MUS81: variants seen among roughly 807,000 people sequenced by gnomAD.
The protein encoded by MUS81 is structure-specific endonuclease subunit MUS81.
A neutral mutation model predicts 74.2 loss-of-function variants in MUS81; 69 were observed. The ratio of observed to expected loss-of-function variants is 0.93; its 90% CI spans 0.77 to 1.14. MUS81 has a LOEUF of 1.14. MUS81 is among the 50% of genes most tolerant of loss of function. The pLI is 0.00. For missense variants in MUS81, 711 were observed against 726.5 expected (o/e 0.98, Z 0.25); for synonymous variants, 303 against 300.6 (o/e 1.01, Z -0.08).
chr11:65,861,266 G>C (rs1056340596), intron 2 of MUS81, 84 bp from the exon 3 acceptor site: 1 of 1,535,908 alleles, frequency 6.5e-7, no homozygotes, highest in Admixed American at 1.9e-5. Context: ...CCGGTCTCAC[G>C]TAACCATCTG....
chr11:65,864,416 A>G (rs2134735926), intron 10 of MUS81, 81 bp from the exon 11 acceptor site: 5 of 1,306,364 alleles, frequency 3.8e-6, no homozygotes, highest in Non-Finnish European at 5.5e-6. Flanking sequence ...TCCCGGCACC[A>G]TTTTGAGTGT....
At chr11:65,863,322 T>C (rs1240900419) in intron 7 of MUS81, 88 bp from the exon 8 acceptor site, 1 of 1,586,974 alleles carries the variant, frequency 6.3e-7, no homozygotes, top group African/African-American at 1.3e-5. Context: ...CTACTGTGGG[T>C]GGGTGGTGGG....
intron 1 of MUS81, 24 bp from the exon 2 acceptor site, chr11:65,860,949 G>T: frequency 1.2e-6 from 2 of 1,610,576 alleles, no homozygotes; most frequent in Non-Finnish European, 1.7e-6. Flanking sequence ...GCCCTGACCA[G>T]GTACCCTACC....
chr11:65,860,297 G>A, upstream of MUS81: 1 of 459,418 alleles, frequency 2.2e-6, no homozygotes, highest in Non-Finnish European at 4.4e-6. Flanking sequence ...GGCTGAAGCT[G>A]ACAATCTTAA....
chr11:65,863,832 C>T lies in MUS81; in HGVS notation c.990C>T (p.His330=). 1 of 1,614,138 alleles carries T rather than the reference C, an allele frequency of 6.2e-7. No homozygotes were observed. Among genetic ancestry groups the T allele is most frequent in the South Asian group, 1.1e-5 (1 of 91,086 alleles). Residue 330 remains histidine, a synonymous_variant, in exon 10 of 16, where the codon CAC becomes CAT. Coordinates refer to ENST00000308110, the MANE Select transcript of MUS81 (RefSeq NM_025128.5). ...PANPGELVLD[H]IVERKRLDDL... Reference sequence around the variant, plus strand: ...ACCCTGGGGAGTTGGTACTGGATCACATTGTGGAGCGCAAGCGACTGGATG... The same window carrying T: ...ACCCTGGGGAGTTGGTACTGGATCATATTGTGGAGCGCAAGCGACTGGATG...
chr11:65,864,588 T>C lies in MUS81; in HGVS notation c.1151T>C (p.Leu384Pro). The C allele has an allele frequency of 1.2e-6, 2 of 1,614,096 alleles. No individual in the cohort carries two copies. Among genetic ancestry groups the C allele is most frequent in the Non-Finnish European group, 1.7e-6 (2 of 1,179,986 alleles). ...VHNLSLPEST[L>P]LQAVTNTQVI... ...AACCTCAGCCTTCCTGAGAGCACAC[T>C]GCTGCAGGCTGTCACCAACACTCAG... Residue 384 changes from leucine to proline, a missense_variant, in exon 11 of 16, where the codon CTG (leucine) becomes CCG (proline). By Grantham distance (98) the Leu-to-Pro change is moderately conservative (BLOSUM62 -3). Coordinates refer to ENST00000308110, the MANE Select transcript of MUS81 (RefSeq NM_025128.5).
intron 10 of MUS81, 137 bp from the exon 11 acceptor site, chr11:65,864,360 G>A (rs551926329): frequency 1.2e-4 from 90 of 737,488 alleles, no homozygotes; most frequent in Non-Finnish European, 1.7e-4. Context: ...TGTGAGGCAG[G>A]TGGAGAGGCT....
At position 65,865,398 on chromosome 11, in the gene MUS81, G is replaced by A. The variant is rs1013136595; in HGVS notation, c.1505+75G>A. Reference sequence around the variant, plus strand: ...TGGAATTCACCTTAATCCATGCTTCGTGGAGGGGGCCTGGCCTTGTGTGGG... The same window carrying A: ...TGGAATTCACCTTAATCCATGCTTCATGGAGGGGGCCTGGCCTTGTGTGGG... On this transcript the variant is annotated intron_variant, in intron 14 of 15. Transcript: ENST00000308110. 66 of 1,431,638 alleles carry A rather than the reference G, an allele frequency of 4.6e-5. No homozygotes were observed. The African/African-American group carries it at 6.7e-4, about 14-fold the overall frequency. The allele number at this position is 1,431,638 out of a possible 1,614,324, so 88.7% of individuals were successfully genotyped here.
intron 3 of MUS81, 149 bp from the exon 4 acceptor site, chr11:65,861,798 C>A: frequency 2.9e-6 from 2 of 679,708 alleles, no homozygotes; most frequent in Non-Finnish European, 5.1e-6. Flanking sequence ...CCCAGATTTG[C>A]AGCGGATCAT....
downstream of MUS81, chr11:65,867,499 G>A (rs577362442): frequency 2.5e-3 from 1,096 of 435,040 alleles, 14 homozygotes; most frequent in South Asian, 0.013. Context: ...GTCACTGTGA[G>A]CAGCTCACTG....
Position 65,863,697 on chromosome 11 carries a change from C to A in MUS81, c.937C>A (p.Gln313Lys). Residue 313 changes from glutamine to lysine, a missense_variant, in exon 9 of 16, where the codon CAG (glutamine) becomes AAG (lysine). By Grantham distance (53) the Gln-to-Lys change is moderately conservative. Transcript: ENST00000308110. Reference protein sequence around the residue: ...LHVGDFVWVAQETNPRDPANP... With the variant: ...LHVGDFVWVAKETNPRDPANP... ...CGTTGGAGATTTTGTGTGGGTGGCCCAGGAGACCAATCCTAGAGACCCAGG... is the reference window on the plus strand; with the variant it reads ...CGTTGGAGATTTTGTGTGGGTGGCCAAGGAGACCAATCCTAGAGACCCAGG... The A allele has an allele frequency of 6.2e-7, 1 of 1,614,004 alleles. No homozygotes were observed. The highest frequency in any genetic ancestry group is 8.5e-7 in the Non-Finnish European group (1 of 1,179,976).
rs1591062099 is a variant in MUS81 at position 65,865,299 on chromosome 11, T to G, written c.1481T>G (p.Val494Gly). The stretch of plus-strand genomic sequence containing the variant: ...AGTGGGGAGAAGGCAGCAGCCCTGG[T>G]GGATCGATACAGCACCCCTGCCAGG... ...GVSGEKAAAL[V>G]DRYSTPASLL... Residue 494 changes from valine (V) to glycine (G), a missense_variant, in exon 14 of 16, where the codon GTG (valine) becomes GGG (glycine). Val to Gly is a moderately radical substitution (Grantham distance 109). Coordinates refer to ENST00000308110, the MANE Select transcript of MUS81 (RefSeq NM_025128.5). 1.2e-6 allele frequency: 2 copies of G among 1,613,974 alleles called. No homozygotes were observed. The highest frequency in any genetic ancestry group is 1.7e-6 in the Non-Finnish European group (2 of 1,179,972).
Position 65,864,756 on chromosome 11 carries a change from A to G in MUS81, c.1213A>G (p.Ile405Val), listed in dbSNP as rs777700069. The G allele has an allele frequency of 2.2e-5, 35 of 1,614,060 alleles. No homozygotes were observed. Among genetic ancestry groups the G allele is most frequent in the East Asian group, 4.5e-5 (2 of 44,882 alleles). Reference sequence around the variant, plus strand: ...CTTTTTTGTGAAGCGCACAGCAGACATTAAGGAGTCAGCCGCCTACCTGGC... The same window carrying G: ...CTTTTTTGTGAAGCGCACAGCAGACGTTAAGGAGTCAGCCGCCTACCTGGC... ...DGFFVKRTAD[I>V]KESAAYLALL... Residue 405 changes from isoleucine (I) to valine (V), a missense_variant, in exon 12 of 16, where the codon ATT (isoleucine) becomes GTT (valine). By Grantham distance (29) the Ile-to-Val change is conservative (BLOSUM62 3). Coordinates refer to ENST00000308110, the MANE Select transcript of MUS81 (RefSeq NM_025128.5).
At chr11:65,862,640 C>T in intron 6 of MUS81, 111 bp downstream of exon 6, 1 of 1,037,700 alleles carries the variant, frequency 9.6e-7, no homozygotes, top group Non-Finnish European at 1.4e-6. Context: ...GGGGGGTGGG[C>T]CTTTCCTCAG....
chr11:65,863,074 G>A lies in MUS81; in HGVS notation c.615G>A (p.Leu205=), dbSNP rs773027479. The change falls in exon 7 of 16, where the codon TTG becomes TTA. Residue 205 remains leucine (L), a synonymous_variant. Transcript: ENST00000308110. ...LRTHQPARYS[L]TPEGLELAQK... ...CCCCTCTGCCTCCCAGGTACTCATTGACCCCAGAGGGCCTGGAGCTGGCCC... is the reference window on the plus strand; with the variant it reads ...CCCCTCTGCCTCCCAGGTACTCATTAACCCCAGAGGGCCTGGAGCTGGCCC... 3 of 1,614,104 alleles carry A rather than the reference G, an allele frequency of 1.9e-6. No homozygotes were observed. Among genetic ancestry groups the A allele is most frequent in the Admixed American group, 1.7e-5 (1 of 60,024 alleles).
At chr11:65,865,713 C>T (rs753563371) in intron 14 of MUS81, 98 bp from the exon 15 acceptor site, 158 of 1,248,344 alleles carry the variant, frequency 1.3e-4, no homozygotes, top group Middle Eastern at 5.4e-4. Context: ...AGTGTCCCAA[C>T]TCTTCCATCC....
intron 14 of MUS81, 85 bp from the exon 15 acceptor site, chr11:65,865,726 T>C: frequency 7.3e-7 from 1 of 1,371,324 alleles, no homozygotes; most frequent in African/African-American, 1.4e-5. Context: ...TTCCATCCCA[T>C]GCTGACCCCT....
In MUS81 at chr11:65,862,035, G is replaced by A. The variant is rs779669908; in HGVS notation, c.440G>A (p.Arg147Gln). The part of the protein sequence containing the change: ...GARVILLVLY[R>Q]EHLNPNGHHF... The stretch of plus-strand genomic sequence containing the variant: ...CGAGTGATACTGCTGGTGCTCTACC[G>A]GGAGCACCTGGTGAGCACTGGGCTA... The change falls in exon 4 of 16, where the codon CGG (arginine) becomes CAG (glutamine). Residue 147 changes from arginine (R) to glutamine (Q), a missense_variant. By Grantham distance (43) the Arg-to-Gln change is conservative. Coordinates refer to ENST00000308110, the MANE Select transcript of MUS81 (RefSeq NM_025128.5). 19 of 1,607,922 alleles carry A rather than the reference G, an allele frequency of 1.2e-5. No homozygotes were observed. Among genetic ancestry groups the A allele is most frequent in the East Asian group, 2.2e-5 (1 of 44,696 alleles).
At chr11:65,861,513 G>C (rs959349957) in intron 3 of MUS81, 78 bp downstream of exon 3, 1 of 1,285,194 alleles carries the variant, frequency 7.8e-7, no homozygotes, top group African/African-American at 1.5e-5. Context: ...GATTTGGCAA[G>C]CCTGAGTCCA....
Sources: allele counts gnomAD v4.1 joint callset, GRCh38; gene constraint gnomAD v4.1.1; transcripts MANE v1.5; gene names NCBI Gene and HGNC (gene_info 2026-07-23, HGNC 2026-07-21).